PGBD5: variants seen among roughly 807,000 people sequenced by gnomAD.
PGBD5 encodes piggyBac transposable element derived 5.
Under a neutral mutation model 47.9 loss-of-function variants are expected in PGBD5, and 14 were observed. The observed-to-expected ratio is 0.29, with a 90% CI of 0.19 to 0.46. PGBD5 has a LOEUF of 0.46. PGBD5 is among the 20% of genes least tolerant of loss of function. PGBD5 has a pLI of 1.00. For synonymous variants in PGBD5, 316 were observed against 306.3 expected (o/e 1.03, Z -0.33); for missense variants, 635 against 716.0 (o/e 0.89, Z 1.29).
Position 230,425,839 on chromosome 1 carries a change from G to C in PGBD5, c.90C>G (p.Asp30Glu), listed in dbSNP as rs1269287672. 1 of 1,203,206 alleles carries C rather than the reference G, an allele frequency of 8.3e-7. No homozygotes were observed. The highest frequency in any genetic ancestry group is 3.4e-5 in the East Asian group (1 of 29,248). The allele number at this position is 1,203,206 out of a possible 1,614,324, so 74.5% of individuals were successfully genotyped here. The change falls in exon 1 of 7, where the codon GAC (aspartate) becomes GAG (glutamate). Residue 30 changes from aspartate (D) to glutamate (E), a missense_variant. By Grantham distance (45) the Asp-to-Glu change is conservative. Coordinates refer to ENST00000391860, the MANE Select transcript of PGBD5 (RefSeq NM_001258311.2). The surrounding 1 kb of genome is among the most constrained non-coding windows in gnomAD (Gnocchi z 4.7). Reference sequence around the variant, plus strand: ...CCGGGCCGGACTCGCCGAACACGTCGTCCGAGATGTGCAGGCTCTCGTAGC... The same window carrying C: ...CCGGGCCGGACTCGCCGAACACGTCCTCCGAGATGTGCAGGCTCTCGTAGC... ...RARYESLHISDDVFGESGPDS... is the reference protein window; with the variant it reads ...RARYESLHISEDVFGESGPDS...
At chr1:230,326,829 T>A (rs993595710) in intron 5 of PGBD5, among the ~76,000 whole-genome samples, 5 of 151,856 alleles carry the variant, frequency 3.3e-5, no homozygotes, top group African/African-American at 1.2e-4. Flanking sequence ...AACCCTCCCA[T>A]CCCCCAGCTC....
chr1:230,387,433 C>A (rs1656666582), intron 1 of PGBD5, among the ~76,000 whole-genome samples: 1 of 152,232 alleles, frequency 6.6e-6, no homozygotes, highest in South Asian at 2.1e-4. Context: ...CCCAAACAGG[C>A]TGCAGGCTTG....
chr1:230,390,776 C>CA lies in PGBD5; in HGVS notation c.332-33456dup, dbSNP rs537585379. ...TTTGTTTGTTTTTGAGATGGAGTCT[C>CA]AAAAAAAGGCTGGAGTGCAGTAGTG... On this transcript the variant is annotated intron_variant, in intron 1 of 6. Transcript: ENST00000391860. 1.0e-3 allele frequency among the ~76,000 whole-genome samples: 157 copies of CA among 151,774 alleles called. 2 individuals are homozygous for CA. Among genetic ancestry groups the CA allele is most frequent in the Middle Eastern group, 6.8e-3 (2 of 294 alleles).
rs1421419099 is a variant in PGBD5 at position 230,357,882 on chromosome 1, T to C, written c.332-561A>G. 1.3e-5 allele frequency among the ~76,000 whole-genome samples: 2 copies of C among 152,184 alleles called. No individual in the cohort carries two copies. Among genetic ancestry groups the C allele is most frequent in the Non-Finnish European group, 2.9e-5 (2 of 68,028 alleles). On this transcript the variant is annotated intron_variant, in intron 1 of 6. Transcript: ENST00000391860. This position sits in a 1 kb window ranked among gnomAD's most constrained non-coding sequence, Gnocchi z 5.7. ...ATTTATACATATAAATTAAAAGCACTGTCTGCCAGTCTGGGGTACTTCTCC... is the reference window on the plus strand; with the variant it reads ...ATTTATACATATAAATTAAAAGCACCGTCTGCCAGTCTGGGGTACTTCTCC...
intron 1 of PGBD5, among the ~76,000 whole-genome samples, chr1:230,360,761 C>A (rs936844874): frequency 6.6e-6 from 1 of 152,170 alleles, no homozygotes; most frequent in African/African-American, 2.4e-5. Context: ...TTCATAGCAG[C>A]ATGAGAACGG....
intron 1 of PGBD5, among the ~76,000 whole-genome samples, chr1:230,392,435 G>A: frequency 6.6e-6 from 1 of 152,216 alleles, no homozygotes; most frequent in Non-Finnish European, 1.5e-5. Context: ...CTGCTTGACA[G>A]GAAGCCTTCA....
chr1:230,382,497 G>A (rs77980522), intron 1 of PGBD5, among the ~76,000 whole-genome samples: 3,560 of 152,236 alleles, frequency 0.023, 139 homozygotes, highest in African/African-American at 0.08. Flanking sequence ...TTGTATGCTG[G>A]CCACCCCTGA....
chr1:230,402,814 T>C (rs1235027099), intron 1 of PGBD5, among the ~76,000 whole-genome samples: 1 of 152,178 alleles, frequency 6.6e-6, no homozygotes, highest in African/African-American at 2.4e-5. Flanking sequence ...GTCTCAATGA[T>C]TATATATTTA....
At position 230,357,428 on chromosome 1, in the gene PGBD5, C is replaced by A; in HGVS notation, c.332-107G>T. The A allele has an allele frequency of 8.0e-7, 1 of 1,247,952 alleles. No individual in the cohort carries two copies. Among genetic ancestry groups the A allele is most frequent in the Non-Finnish European group, 1.1e-6 (1 of 900,662 alleles). The allele number at this position is 1,247,952 out of a possible 1,614,324, so 77.3% of individuals were successfully genotyped here. A position where few individuals can be genotyped will look rare whatever the true frequency, so the allele number is the denominator to read the frequency against. On this transcript the variant is annotated intron_variant, in intron 1 of 6. Coordinates refer to ENST00000391860, the MANE Select transcript of PGBD5 (RefSeq NM_001258311.2). The surrounding 1 kb of genome is among the most constrained non-coding windows in gnomAD (Gnocchi z 5.7). The stretch of plus-strand genomic sequence containing the variant: ...CCCTGGGTCCCTGGCCGAGTGCCCC[C>A]GCTGCCTCCAGTGCTACCGCCTTCC...
chr1:230,375,048 C>T lies in PGBD5; in HGVS notation c.332-17727G>A, dbSNP rs1024735179. ...GTTTCCAAAGGATGCCAGGCCCTTT[C>T]TTCTTTGGAATTTCCCTCTTCCCTG... On this transcript the variant is annotated intron_variant, in intron 1 of 6. Coordinates refer to ENST00000391860, the MANE Select transcript of PGBD5 (RefSeq NM_001258311.2). Among the ~76,000 whole-genome samples the T allele has an allele frequency of 1.9e-4, 29 of 152,270 alleles. 1 individual carries two copies. In the South Asian group the frequency reaches 2.5e-3, roughly 13 times the overall value.
At chr1:230,414,671 C>G (rs1461430489) in intron 1 of PGBD5, among the ~76,000 whole-genome samples, 2 of 152,160 alleles carry the variant, frequency 1.3e-5, no homozygotes. Context: ...CCCAGCTCGC[C>G]TAAGAAAATG....
chr1:230,369,239 C>CA (rs1667890401), intron 1 of PGBD5, among the ~76,000 whole-genome samples: 1 of 152,224 alleles, frequency 6.6e-6, no homozygotes, highest in Admixed American at 6.5e-5. Flanking sequence ...ACAGGAATCC[C>CA]GCTTAAGAAG....
At chr1:230,371,081 T>C (rs1667921532) in intron 1 of PGBD5, among the ~76,000 whole-genome samples, 1 of 152,186 alleles carries the variant, frequency 6.6e-6, no homozygotes, top group Non-Finnish European at 1.5e-5. Flanking sequence ...CTGATTGTTA[T>C]TTGTCTAAAC....
rs1250514022 is a variant in PGBD5 at position 230,319,604 on chromosome 1, A to C, written c.*3821T>G. On this transcript the variant is annotated 3_prime_UTR_variant, in exon 7 of 7. Transcript: ENST00000391860. ...TGGGGAGGATGGTGACACACGGGCC[A>C]CACAGGAAGGATTCAGAACCTTCCA... 2 of 152,072 alleles carry C rather than the reference A, an allele frequency of 1.3e-5. No individual in the cohort carries two copies. 9.4% of individuals were successfully genotyped at this position (152,072 alleles called of 1,614,324 possible).
In PGBD5 at chr1:230,316,843, TCTCGGATAGCTGGGAA is replaced by T. The variant is rs1385792419; in HGVS notation, c.*6566_*6581del. 6.6e-6 allele frequency: 1 copy of T among 152,184 alleles called. No homozygotes were observed. Among genetic ancestry groups the T allele is most frequent in the Non-Finnish European group, 1.5e-5 (1 of 68,044 alleles). The allele number at this position is 152,184 out of a possible 1,614,324, so 9.4% of individuals were successfully genotyped here. A position where few individuals can be genotyped will look rare whatever the true frequency, so the allele number is the denominator to read the frequency against. ...CCTTCCTTTTGGCTTGGGCATGACCTCTCGGATAGCTGGGAACACCGTCCCTGCTCATGTTTGGGGC... is the reference window on the plus strand; with the variant it reads ...CCTTCCTTTTGGCTTGGGCATGACCTCACCGTCCCTGCTCATGTTTGGGGC... On this transcript the variant is annotated 3_prime_UTR_variant, in exon 7 of 7. Transcript: ENST00000391860.
chr1:230,417,458 A>G (rs919555266), intron 1 of PGBD5, among the ~76,000 whole-genome samples: 3 of 152,210 alleles, frequency 2.0e-5, no homozygotes, highest in Non-Finnish European at 2.9e-5. Flanking sequence ...TAATAATTAT[A>G]GGTGTTAAAT....
chr1:230,354,723 G>A (rs1667608371), intron 2 of PGBD5, among the ~76,000 whole-genome samples: 1 of 152,098 alleles, frequency 6.6e-6, no homozygotes, highest in South Asian at 2.1e-4. Context: ...CCTTAACCCG[G>A]ATCACACCCC....
At chr1:230,340,656 T>G (rs1018076929) in intron 3 of PGBD5, among the ~76,000 whole-genome samples, 2 of 152,074 alleles carry the variant, frequency 1.3e-5, no homozygotes, top group Non-Finnish European at 2.9e-5. Flanking sequence ...AGCATAAGAC[T>G]ATTTGGAATT....
At chr1:230,354,572 G>A (rs1667606604) in intron 2 of PGBD5, among the ~76,000 whole-genome samples, 2 of 152,114 alleles carry the variant, frequency 1.3e-5, no homozygotes, top group Non-Finnish European at 2.9e-5. Flanking sequence ...CCAATGATAA[G>A]ACAATAAAGA....
Sources: allele counts gnomAD v4.1 joint callset (sites outside exome capture counted in the v4.1 genomes callset), GRCh38; gene constraint gnomAD v4.1.1; non-coding constraint Gnocchi (gnomAD v3.1); transcripts MANE v1.5; gene names NCBI Gene and HGNC (gene_info 2026-07-23, HGNC 2026-07-21).